Variants in CPNE4 observed in about 807,000 individuals in gnomAD.
The protein encoded by CPNE4 is copine 4, also known as copine-4.
A neutral mutation model predicts 67.9 loss-of-function variants in CPNE4; 25 were observed. That is an observed-to-expected ratio of 0.37 (90% CI 0.27 to 0.51). The LOEUF is 0.51. Among genes scored for constraint, CPNE4 ranks in the 20% least tolerant of loss-of-function variants. The pLI is 0.93. For synonymous variants in CPNE4, 242 were observed against 244.9 expected (o/e 0.99, Z 0.11); for missense variants, 464 against 690.8 (o/e 0.67, Z 3.68).
intron 5 of CPNE4, among the ~76,000 whole-genome samples, chr3:131,689,906 A>C (rs2080992507): frequency 6.6e-6 from 1 of 152,146 alleles, no homozygotes; most frequent in Non-Finnish European, 1.5e-5. Context: ...ATTTCTATAC[A>C]AAGTGAGAGC....
At chr3:131,630,678 G>C (rs2079197296) in intron 7 of CPNE4, among the ~76,000 whole-genome samples, 2 of 152,304 alleles carry the variant, frequency 1.3e-5, no homozygotes, top group African/African-American at 4.8e-5. Context: ...GTGGCTAGGG[G>C]TGACCATATT....
intron 1 of CPNE4, among the ~76,000 whole-genome samples, chr3:131,955,090 T>G (rs78059885): frequency 0.09 from 7,999 of 88,460 alleles, 424 homozygotes; most frequent in African/African-American, 0.18. Flanking sequence ...AAGTTCTGTG[T>G]TTTTTTTTTC....
At chr3:131,862,930 T>A (rs1389247104) in intron 2 of CPNE4, among the ~76,000 whole-genome samples, 3 of 148,290 alleles carry the variant, frequency 2.0e-5, no homozygotes, top group African/African-American at 7.4e-5. Flanking sequence ...CATTGTTCAA[T>A]TCCCACCTAT....
chr3:132,024,052 G>A (rs186057209), intron 1 of CPNE4, among the ~76,000 whole-genome samples: 4 of 90,234 alleles, frequency 4.4e-5, no homozygotes, highest in Admixed American at 2.8e-4. Context: ...TTTAATACAC[G>A]TGAACAAAAG....
At chr3:131,568,376 G>A (rs1314719501) in intron 10 of CPNE4, among the ~76,000 whole-genome samples, 3 of 152,030 alleles carry the variant, frequency 2.0e-5, no homozygotes, top group Non-Finnish European at 4.4e-5. Flanking sequence ...CAGGGAGGCA[G>A]TGAAAGATGG....
Position 131,698,139 on chromosome 3 carries a change from G to T in CPNE4, c.433-1523C>A, listed in dbSNP as rs552356142. Among the ~76,000 whole-genome samples, 16 of 149,244 alleles carry T rather than the reference G, an allele frequency of 1.1e-4. No individual in the cohort carries two copies. In the East Asian group the frequency reaches 3.2e-3, roughly 30 times the overall value. On this transcript the variant is annotated intron_variant, in intron 4 of 15. Coordinates refer to ENST00000429747, the MANE Select transcript of CPNE4 (RefSeq NM_130808.3). ...AGTCCCAGCTACTCGGGAGGCTGAGGCAGGAGAATAGCGTGAACCCGGGAG... is the reference window on the plus strand; with the variant it reads ...AGTCCCAGCTACTCGGGAGGCTGAGTCAGGAGAATAGCGTGAACCCGGGAG...
chr3:131,698,579 T>C (rs563706009), intron 4 of CPNE4, among the ~76,000 whole-genome samples: 1 of 150,330 alleles, frequency 6.7e-6, no homozygotes, highest in Non-Finnish European at 1.5e-5. Flanking sequence ...CAACTTTCAC[T>C]GACAGCTCTT....
At chr3:131,546,881 C>A (rs1381172139) in intron 14 of CPNE4, among the ~76,000 whole-genome samples, 3 of 152,178 alleles carry the variant, frequency 2.0e-5, no homozygotes, top group African/African-American at 7.2e-5. Flanking sequence ...GTTTCTGACT[C>A]TACTCCTTAG....
At chr3:131,770,306 A>G (rs1463440342) in intron 2 of CPNE4, among the ~76,000 whole-genome samples, 1 of 152,244 alleles carries the variant, frequency 6.6e-6, no homozygotes, top group African/African-American at 2.4e-5. Context: ...AAGACAACCA[A>G]CAATAACCAT....
chr3:131,822,379 A>G (rs917076152), intron 2 of CPNE4, among the ~76,000 whole-genome samples: 3 of 152,216 alleles, frequency 2.0e-5, no homozygotes, highest in Admixed American at 2.0e-4. Flanking sequence ...CCTTCACTCA[A>G]ATGAACCACT....
chr3:131,580,551 T>A (rs1256583416), intron 9 of CPNE4, among the ~76,000 whole-genome samples: 1 of 152,028 alleles, frequency 6.6e-6, no homozygotes, highest in Non-Finnish European at 1.5e-5. Flanking sequence ...GAGTCCTGTA[T>A]GGAGGAGTCA....
At chr3:131,997,699 G>T (rs1309244257) in intron 1 of CPNE4, among the ~76,000 whole-genome samples, 1 of 152,066 alleles carries the variant, frequency 6.6e-6, no homozygotes, top group African/African-American at 2.4e-5. Flanking sequence ...CATTTTTATA[G>T]GTATGGGAAA....
At chr3:131,768,792 G>C (rs1427618700) in intron 2 of CPNE4, among the ~76,000 whole-genome samples, 1 of 152,114 alleles carries the variant, frequency 6.6e-6, no homozygotes, top group Non-Finnish European at 1.5e-5. Context: ...TACTGAATGA[G>C]TCCCCTGGAA....
At chr3:131,574,225 G>C (rs1473401781) in intron 10 of CPNE4, among the ~76,000 whole-genome samples, 1 of 152,142 alleles carries the variant, frequency 6.6e-6, no homozygotes, top group Non-Finnish European at 1.5e-5. Context: ...AATAAATGCT[G>C]TACAAGTTAC....
intron 1 of CPNE4, among the ~76,000 whole-genome samples, chr3:131,914,231 T>A (rs1465906540): frequency 6.6e-6 from 1 of 152,158 alleles, no homozygotes; most frequent in Non-Finnish European, 1.5e-5. Flanking sequence ...ACCCAGGACC[T>A]CCAAATACAG....
intron 1 of CPNE4, among the ~76,000 whole-genome samples, chr3:131,969,120 A>G (rs2072435966): frequency 6.6e-6 from 1 of 151,686 alleles, no homozygotes; most frequent in Non-Finnish European, 1.5e-5. Flanking sequence ...GAAACCAAAC[A>G]CTGCATGTTC....
At chr3:131,943,174 G>A (rs1468889781) in intron 1 of CPNE4, among the ~76,000 whole-genome samples, 2 of 152,142 alleles carry the variant, frequency 1.3e-5, no homozygotes, top group African/African-American at 4.8e-5. Flanking sequence ...AGGGTCTGGA[G>A]GAGCACCTTG....
intron 2 of CPNE4, among the ~76,000 whole-genome samples, chr3:131,901,744 G>C (rs1218763144): frequency 6.6e-6 from 1 of 152,058 alleles, no homozygotes; most frequent in Non-Finnish European, 1.5e-5. Flanking sequence ...TTGGTTCTGG[G>C]ACTACCATCT....
At chr3:131,782,057 T>C (rs2083443350) in intron 2 of CPNE4, among the ~76,000 whole-genome samples, 1 of 152,096 alleles carries the variant, frequency 6.6e-6, no homozygotes, top group Admixed American at 6.6e-5. Context: ...TGCTTTGGAA[T>C]GGTTACATGT....
Sources: gnomAD v4.1 joint callset for allele counts (sites outside exome capture counted in the v4.1 genomes callset) on GRCh38, gnomAD v4.1.1 for gene constraint, MANE v1.5 for transcripts, NCBI Gene and HGNC (gene_info 2026-07-23, HGNC 2026-07-21) for gene names.